The following BCAS3 variants were observed in gnomAD, a reference collection of about 807,000 sequenced individuals.
BCAS3 encodes BCAS3 microtubule associated cell migration factor.
In BCAS3, 53 loss-of-function variants were observed where a neutral mutation model predicts 116.1. The observed-to-expected ratio is 0.46, with a 90% CI of 0.37 to 0.57. BCAS3 has a LOEUF of 0.57. Ranked by LOEUF, BCAS3 falls within the 20% of genes least tolerant of loss-of-function variation. The probability of loss-of-function intolerance (pLI) is 0.00; values close to 1 mark genes in which losing one functional copy is unlikely to be tolerated. For missense variants in BCAS3, 917 were observed against 1,165.4 expected, an observed-to-expected ratio of 0.79 and a Z score of 3.10; for synonymous variants, 391 against 408.2, an observed-to-expected ratio of 0.96 and a Z score of 0.51.
intron 23 of BCAS3, among the ~76,000 whole-genome samples, chr17:61,382,282 CAG>C (rs1275822315): frequency 1.3e-5 from 2 of 149,582 alleles, no homozygotes; most frequent in African/African-American, 4.9e-5. Flanking sequence ...TTTTTTGAGA[CAG>C]AGTTTCACTC....
rs924368442 is a variant in BCAS3 at position 61,098,853 on chromosome 17, T to G, written c.2425+14289T>G. 6.6e-6 allele frequency among the ~76,000 whole-genome samples: 1 copy of G among 151,970 alleles called. No homozygotes were observed. Among genetic ancestry groups the G allele is most frequent in the African/African-American group, 2.4e-5 (1 of 41,398 alleles). On this transcript the variant is annotated intron_variant, in intron 22 of 23. Coordinates refer to ENST00000407086, the MANE Select transcript of BCAS3 (RefSeq NM_017679.5). The surrounding 1 kb of genome is among the most constrained non-coding windows in gnomAD (Gnocchi z 4.2). ...AAGATACCCCTGGATGGGCTGGGTG[T>G]GGTGGCTCACACCTGTAATACCAGC...
Position 60,684,035 on chromosome 17 carries a change from A to C in BCAS3, c.137A>C (p.Gln46Pro). The part of the protein sequence containing the change: ...VVTFLQDVVP[Q>P]AYSGTPLTEE... ...ACTTTTCTGCAGGATGTTGTGCCAC[A>C]GGTAAGTGTCTATATGTGCTTTCGC... Residue 46 changes from glutamine to proline, a missense_variant and splice_region_variant, in exon 3 of 24, where the codon CAG becomes CCG. Physicochemically the swap from Gln to Pro is moderately conservative, Grantham distance 76 (BLOSUM62 -1). Coordinates refer to ENST00000407086, the MANE Select transcript of BCAS3 (RefSeq NM_017679.5). 6.2e-7 allele frequency: 1 copy of C among 1,613,644 alleles called. No homozygotes were observed. The highest frequency in any genetic ancestry group is 8.5e-7 in the Non-Finnish European group (1 of 1,179,726).
intron 7 of BCAS3, among the ~76,000 whole-genome samples, chr17:60,859,860 C>T (rs531926870): frequency 2.4e-4 from 37 of 152,268 alleles, no homozygotes; most frequent in Non-Finnish European, 3.2e-4. Flanking sequence ...TGAGCCACCA[C>T]GCCCGGCCTA....
chr17:60,740,846 G>A (rs2041478717), intron 5 of BCAS3, among the ~76,000 whole-genome samples: 1 of 152,118 alleles, frequency 6.6e-6, no homozygotes, highest in Admixed American at 6.6e-5. Context: ...GATCTGGTCT[G>A]GCATGTTTCA....
At chr17:60,685,743 A>G (rs1021666235) in intron 3 of BCAS3, among the ~76,000 whole-genome samples, 4 of 152,194 alleles carry the variant, frequency 2.6e-5, no homozygotes, top group Non-Finnish European at 5.9e-5. Flanking sequence ...GTACAATCGT[A>G]GTCGAAATAA....
In BCAS3 at chr17:61,276,284, CA is replaced by C. The variant is rs1192146485; in HGVS notation, c.2426-92042del. Among the ~76,000 whole-genome samples, 7 of 152,008 alleles carry C rather than the reference CA, an allele frequency of 4.6e-5. No homozygotes were observed. The highest frequency in any genetic ancestry group is 2.6e-4 in the Admixed American group (4 of 15,248). On this transcript the variant is annotated intron_variant, in intron 22 of 23. Coordinates refer to ENST00000407086, the MANE Select transcript of BCAS3 (RefSeq NM_017679.5). The surrounding 1 kb of genome is among the most constrained non-coding windows in gnomAD (Gnocchi z 4.2). ...AGGAGAATCGCTTGAACCTGGGAGG[CA>C]GAGGTTGCAGTGAGCCAAGATCATG...
chr17:60,758,291 A>G (rs1395570457), intron 6 of BCAS3, among the ~76,000 whole-genome samples: 1 of 152,198 alleles, frequency 6.6e-6, no homozygotes, highest in Non-Finnish European at 1.5e-5. Context: ...AAAAAATGAC[A>G]TTGGTATTTT....
At position 60,967,194 on chromosome 17, in the gene BCAS3, T is replaced by C. The variant is rs2061706631; in HGVS notation, c.1221+19842T>C. 6.6e-6 allele frequency among the ~76,000 whole-genome samples: 1 copy of C among 152,242 alleles called. No homozygotes were observed. The highest frequency in any genetic ancestry group is 6.5e-5 in the Admixed American group (1 of 15,290). The stretch of plus-strand genomic sequence containing the variant: ...CACATCAGAGTTTTCTTGGTTCAGA[T>C]TGAATTATTCTCGTTAGCATTTCTT... On this transcript the variant is annotated intron_variant, in intron 14 of 23. Transcript: ENST00000407086. The surrounding 1 kb of genome is among the most constrained non-coding windows in gnomAD (Gnocchi z 4.7).
intron 15 of BCAS3, among the ~76,000 whole-genome samples, chr17:60,992,191 CACACACACACA>C (rs1568060065): frequency 1.3e-3 from 137 of 104,428 alleles, no homozygotes; most frequent in African/African-American, 4.7e-3. Context: ...CGATGACTTA[CACACACACACA>C]CACACACACA....
At chr17:60,798,564 C>G (rs1273755883) in intron 6 of BCAS3, among the ~76,000 whole-genome samples, 1 of 152,124 alleles carries the variant, frequency 6.6e-6, no homozygotes, top group East Asian at 1.9e-4. Context: ...GGATATATTA[C>G]AGTTTATTTA....
Position 60,961,763 on chromosome 17 carries a change from A to T in BCAS3, c.1221+14411A>T, listed in dbSNP as rs1170822454. Among the ~76,000 whole-genome samples the T allele has an allele frequency of 2.0e-5, 3 of 150,088 alleles. No individual in the cohort carries two copies. The highest frequency in any genetic ancestry group is 2.1e-4 in the South Asian group (1 of 4,772). On this transcript the variant is annotated intron_variant, in intron 14 of 23. Coordinates refer to ENST00000407086, the MANE Select transcript of BCAS3 (RefSeq NM_017679.5). The surrounding 1 kb of genome is among the most constrained non-coding windows in gnomAD (Gnocchi z 4.8). Reference sequence around the variant, plus strand: ...AACTGCCATTCTACTCTCTATCTTCATGAGGCCCACTGCTTTTTTTTTTTC... The same window carrying T: ...AACTGCCATTCTACTCTCTATCTTCTTGAGGCCCACTGCTTTTTTTTTTTC...
intron 22 of BCAS3, among the ~76,000 whole-genome samples, chr17:61,193,757 CAAAAAAAAAAAA>C (rs59810014): frequency 4.0e-4 from 21 of 52,314 alleles, no homozygotes; most frequent in African/African-American, 1.0e-3. Context: ...AACTCCATCT[CAAAAAAAAAAAA>C]AAAAAAAAAA....
At chr17:61,044,251 T>C (rs1277686847) in intron 19 of BCAS3, among the ~76,000 whole-genome samples, 1 of 151,466 alleles carries the variant, frequency 6.6e-6, no homozygotes, top group Non-Finnish European at 1.5e-5. Context: ...ATCGAGACCA[T>C]CCTGGCTAAC....
chr17:61,308,405 A>G (rs1002471185), intron 22 of BCAS3, among the ~76,000 whole-genome samples: 3 of 122,804 alleles, frequency 2.4e-5, no homozygotes, highest in African/African-American at 9.5e-5. Flanking sequence ...TCTAGTGTTC[A>G]GTGAATTTCT....
chr17:60,778,363 T>C (rs958375691), intron 6 of BCAS3, among the ~76,000 whole-genome samples: 13 of 152,188 alleles, frequency 8.5e-5, no homozygotes, highest in African/African-American at 3.1e-4. Context: ...AAGAGATTAT[T>C]AAAATAGGTT....
At chr17:61,250,939 T>C (rs1191142143) in intron 22 of BCAS3, among the ~76,000 whole-genome samples, 1 of 152,212 alleles carries the variant, frequency 6.6e-6, no homozygotes, top group Non-Finnish European at 1.5e-5. Flanking sequence ...GCCTTTGTGG[T>C]ACTTCACATG....
chr17:60,873,610 A>G (rs936672972), intron 8 of BCAS3, among the ~76,000 whole-genome samples: 2 of 152,184 alleles, frequency 1.3e-5, no homozygotes, highest in Non-Finnish European at 2.9e-5. Flanking sequence ...AAAAGTGTTT[A>G]TAACTAAATT....
chr17:61,366,588 C>T lies in BCAS3; in HGVS notation c.2426-1739C>T, dbSNP rs759309479. ...TTGGGAGAATTATCTGACACCCAGC[C>T]GTGCACCCCCATTTTCCAGAGCCTA... On this transcript the variant is annotated intron_variant, in intron 22 of 23. Coordinates refer to ENST00000407086, the MANE Select transcript of BCAS3 (RefSeq NM_017679.5). The surrounding 1 kb of genome is among the most constrained non-coding windows in gnomAD (Gnocchi z 4.5). Among the ~76,000 whole-genome samples the T allele has an allele frequency of 7.2e-5, 11 of 152,198 alleles. No homozygotes were observed. Among genetic ancestry groups the T allele is most frequent in the Admixed American group, 2.6e-4 (4 of 15,278 alleles).
chr17:60,843,080 C>T (rs1020205435), intron 7 of BCAS3, among the ~76,000 whole-genome samples: 1 of 149,172 alleles, frequency 6.7e-6, no homozygotes, highest in Admixed American at 6.6e-5. Flanking sequence ...TGCTACGCTA[C>T]TAAGGCTGAT....
Sources: gnomAD v4.1 joint callset for allele counts (sites outside exome capture counted in the v4.1 genomes callset) on GRCh38, gnomAD v4.1.1 for gene constraint, Gnocchi (gnomAD v3.1) non-coding constraint, MANE v1.5 for transcripts, NCBI Gene and HGNC (gene_info 2026-07-23, HGNC 2026-07-21) for gene names.